GPRIN3: variants seen among roughly 807,000 people sequenced by gnomAD.
GPRIN3 encodes the protein G protein-regulated inducer of neurite outgrowth 3.
GPRIN3 carries 12 observed loss-of-function variants against 13.7 expected under a neutral mutation model. The observed-to-expected ratio is 0.87, with a 90% CI of 0.56 to 1.42. The LOEUF is 1.42. GPRIN3 is among the 40% of genes most tolerant of loss of function. The pLI is 0.00. For missense variants in GPRIN3, 1,009 were observed against 958.7 expected (o/e 1.05, Z -0.69); for synonymous variants, 377 against 372.7 (o/e 1.01, Z -0.13).
chr4:89,284,398 T>C (rs1724342541), intron 1 of GPRIN3, among the ~76,000 whole-genome samples: 1 of 152,352 alleles, frequency 6.6e-6, no homozygotes, highest in Non-Finnish European at 1.5e-5. Flanking sequence ...TCACATCTGG[T>C]TGGCCACTTA....
rs150851161 is a variant in GPRIN3, at chr4:89,240,202, T to C, written c.*7578A>G. On this transcript the variant is annotated 3_prime_UTR_variant, in exon 2 of 2. Coordinates refer to ENST00000609438, the MANE Select transcript of GPRIN3 (RefSeq NM_198281.3). The stretch of plus-strand genomic sequence containing the variant: ...GCTAATGATTCTAATGTTGTTAGAA[T>C]CCACACAGTATTACCTGTTATTGAT... The C allele has an allele frequency of 6.6e-6, 1 of 152,300 alleles. No individual in the cohort carries two copies. Among genetic ancestry groups the C allele is most frequent in the Admixed American group, 6.5e-5 (1 of 15,298 alleles). 9.4% of individuals were successfully genotyped at this position (152,300 alleles called of 1,614,324 possible).
intron 1 of GPRIN3, among the ~76,000 whole-genome samples, chr4:89,304,269 T>C (rs1724977838): frequency 6.6e-6 from 1 of 152,228 alleles, no homozygotes; most frequent in Non-Finnish European, 1.5e-5. Flanking sequence ...TCAGATCTCT[T>C]GGTCGGCTCT....
At chr4:89,306,695 CCA>C (rs1249661198) in intron 1 of GPRIN3, among the ~76,000 whole-genome samples, 3 of 152,086 alleles carry the variant, frequency 2.0e-5, no homozygotes, top group Non-Finnish European at 2.9e-5. Context: ...TGCCTTTTGC[CCA>C]CCTCCTCGGC....
At chr4:89,258,050 C>A (rs1314661455) in intron 1 of GPRIN3, among the ~76,000 whole-genome samples, 2 of 151,312 alleles carry the variant, frequency 1.3e-5, no homozygotes, top group African/African-American at 4.8e-5. Context: ...TCTTTTTCCT[C>A]TTACCTTCCT....
In GPRIN3 at chr4:89,243,257, G is replaced by T. The variant is rs1300809269; in HGVS notation, c.*4523C>A. On this transcript the variant is annotated 3_prime_UTR_variant, in exon 2 of 2. Transcript: ENST00000609438. ...TACAAGACTATTTTTTTTCCCATTT[G>T]CAAAAATGTCTAAAATTTTGTAGAC... 6.6e-6 allele frequency: 1 copy of T among 151,924 alleles called. No homozygotes were observed. Among genetic ancestry groups the T allele is most frequent in the Admixed American group, 6.6e-5 (1 of 15,252 alleles). The allele number at this position is 151,924 out of a possible 1,614,324, so 9.4% of individuals were successfully genotyped here.
chr4:89,253,916 T>G (rs142214542), intron 1 of GPRIN3, among the ~76,000 whole-genome samples: 287 of 152,310 alleles, frequency 1.9e-3, no homozygotes, highest in Non-Finnish European at 3.4e-3. Context: ...CCTCCCTCAC[T>G]GACTGGCAGA....
At position 89,248,021 on chromosome 4, in the gene GPRIN3, C is replaced by CCAT. The variant is rs1723158367; in HGVS notation, c.2087_2089dup (p.Tyr696_Gly697insAsp). On this transcript the variant is annotated inframe_insertion, in exon 2 of 2. Coordinates refer to ENST00000609438, the MANE Select transcript of GPRIN3 (RefSeq NM_198281.3). ...CAGGGACTCTGCGTCCAAGGATGCA[C>CCAT]CATACACTTCCCAGGTCATTCCCTG... is the stretch of plus-strand genomic sequence containing the variant. 6.2e-7 allele frequency: 1 copy of CCAT among 1,614,024 alleles called. No homozygotes were observed. The highest frequency in any genetic ancestry group is 1.7e-5 in the Admixed American group (1 of 60,000).
intron 1 of GPRIN3, among the ~76,000 whole-genome samples, chr4:89,284,674 C>A (rs760617785): frequency 7.9e-5 from 12 of 152,196 alleles, no homozygotes; most frequent in Non-Finnish European, 1.3e-4. Flanking sequence ...TTTTCTCACC[C>A]TGAAATCGCC....
chr4:89,262,379 G>C (rs565645243), intron 1 of GPRIN3, among the ~76,000 whole-genome samples: 79 of 152,174 alleles, frequency 5.2e-4, no homozygotes, highest in Admixed American at 1.6e-3. Flanking sequence ...GGACAGAATG[G>C]ATGGAACATT....
Position 89,246,011 on chromosome 4 carries a change from C to T in GPRIN3, c.*1769G>A, listed in dbSNP as rs1413613425. On this transcript the variant is annotated 3_prime_UTR_variant, in exon 2 of 2. Transcript: ENST00000609438. ...ACTGTTCCATATATGCAAGCTTTGTCTACAGTTAAATTGCTTCAAAATAAA... is the reference window on the plus strand; with the variant it reads ...ACTGTTCCATATATGCAAGCTTTGTTTACAGTTAAATTGCTTCAAAATAAA... 6.6e-6 allele frequency: 1 copy of T among 152,172 alleles called. No homozygotes were observed. The highest frequency in any genetic ancestry group is 2.4e-5 in the African/African-American group (1 of 41,448). 9.4% of individuals were successfully genotyped at this position (152,172 alleles called of 1,614,324 possible).
At chr4:89,283,050 A>G (rs1165501458) in intron 1 of GPRIN3, among the ~76,000 whole-genome samples, 2 of 152,226 alleles carry the variant, frequency 1.3e-5, no homozygotes, top group Non-Finnish European at 1.5e-5. Context: ...TGTTATTAAT[A>G]TTAACAAAGA....
At chr4:89,271,959 T>A (rs973216256) in intron 1 of GPRIN3, among the ~76,000 whole-genome samples, 3 of 152,106 alleles carry the variant, frequency 2.0e-5, no homozygotes, top group African/African-American at 7.2e-5. Flanking sequence ...GATTATTGCT[T>A]TTGTAAAAGA....
Position 89,250,175 on chromosome 4 carries a change from A to G in GPRIN3, c.-65T>C. The stretch of plus-strand genomic sequence containing the variant: ...ACTGGTCCCACTGGTGGGGGAGGGG[A>G]GCGCAGTCAGAGCTCAGAGTGATGA... On this transcript the variant is annotated 5_prime_UTR_variant, in exon 2 of 2. Transcript: ENST00000609438. 1 of 1,539,622 alleles carries G rather than the reference A, an allele frequency of 6.5e-7. No individual in the cohort carries two copies. Among genetic ancestry groups the G allele is most frequent in the Non-Finnish European group, 8.7e-7 (1 of 1,143,414 alleles).
chr4:89,251,671 T>C (rs757005255), intron 1 of GPRIN3, among the ~76,000 whole-genome samples: 1 of 152,212 alleles, frequency 6.6e-6, no homozygotes, highest in Non-Finnish European at 1.5e-5. Flanking sequence ...AAGGTATGAT[T>C]GAATGAGAAA....
intron 1 of GPRIN3, among the ~76,000 whole-genome samples, chr4:89,257,428 C>T (rs545666222): frequency 1.5e-4 from 23 of 152,302 alleles, no homozygotes; most frequent in Admixed American, 5.2e-4. Context: ...GAACAGATGG[C>T]TTCTAAATTC....
chr4:89,249,922 T>C lies in GPRIN3; in HGVS notation c.189A>G (p.Glu63=). 6.2e-7 allele frequency: 1 copy of C among 1,614,202 alleles called. No homozygotes were observed. The highest frequency in any genetic ancestry group is 1.1e-5 in the South Asian group (1 of 91,088). The change falls in exon 2 of 2, where the codon GAA becomes GAG. Residue 63 remains glutamate (E), a synonymous_variant. Coordinates refer to ENST00000609438, the MANE Select transcript of GPRIN3 (RefSeq NM_198281.3). ...EPDLSPRAAA[E]ALMQVCEHET... ...CATGCTCACAAACCTGCATCAGGGC[T>C]TCGGCAGCTGCCCTGGGGCTGAGGT...
At chr4:89,285,249 T>C (rs925859537) in intron 1 of GPRIN3, among the ~76,000 whole-genome samples, 2 of 151,918 alleles carry the variant, frequency 1.3e-5, no homozygotes, top group African/African-American at 4.8e-5. Flanking sequence ...GAGAAATACC[T>C]AATGTAAATG....
chr4:89,303,906 T>C (rs2110031396), intron 1 of GPRIN3, among the ~76,000 whole-genome samples: 1 of 152,250 alleles, frequency 6.6e-6, no homozygotes, highest in Non-Finnish European at 1.5e-5. Flanking sequence ...ACTCATGTAA[T>C]ATTTCAGTCC....
intron 1 of GPRIN3, among the ~76,000 whole-genome samples, chr4:89,298,921 A>G (rs773627814): frequency 2.0e-5 from 3 of 152,120 alleles, no homozygotes; most frequent in Non-Finnish European, 4.4e-5. Flanking sequence ...CTCAGATTTC[A>G]TCACTCAAAA....
Sources: gnomAD v4.1 joint callset for allele counts (sites outside exome capture counted in the v4.1 genomes callset) on GRCh38, gnomAD v4.1.1 for gene constraint, MANE v1.5 for transcripts, NCBI Gene and HGNC (gene_info 2026-07-23, HGNC 2026-07-21) for gene names.